PRR5L: variants seen among roughly 807,000 people sequenced by gnomAD.
The protein encoded by PRR5L is proline rich 5 like.
Under a neutral mutation model 36.4 loss-of-function variants are expected in PRR5L, and 21 were observed. That is an observed-to-expected ratio of 0.58 (90% CI 0.41 to 0.83). PRR5L has a LOEUF of 0.83. Ranked by LOEUF, PRR5L falls within the 40% of genes least tolerant of loss-of-function variation. The pLI, the probability that PRR5L is intolerant of heterozygous loss-of-function variation, is 0.00. For missense variants in PRR5L, 381 were observed against 473.3 expected (o/e 0.80, Z 1.81); for synonymous variants, 188 against 197.0 (o/e 0.95, Z 0.38).
At chr11:36,400,359 C>G (rs990933015) in intron 1 of PRR5L, among the ~76,000 whole-genome samples, 5 of 152,188 alleles carry the variant, frequency 3.3e-5, no homozygotes, top group Non-Finnish European at 5.9e-5. Flanking sequence ...AGACTGTTAT[C>G]TTCTCCATAG....
chr11:36,388,694 C>CTTTTTTTTTTTTTTTTTTTTTTTTTTTT lies in PRR5L; in HGVS notation c.-125-12300_-125-12299insTTTTTTTTTTTTTTTTTTTTTTTTTTTT, dbSNP rs1252535250. On this transcript the variant is annotated intron_variant, in intron 1 of 8. Transcript: ENST00000530639. ...TTCTTTCATTCAAGGTCGGCTCTTT[C>CTTTTTTTTTTTTTTTTTTTTTTTTTTTT]TTTCTTTTTTTTTTTTTTTTTTGAG... Among the ~76,000 whole-genome samples, 4 of 112,790 alleles carry CTTTTTTTTTTTTTTTTTTTTTTTTTTTT rather than the reference C, an allele frequency of 3.5e-5. 2 individuals carry two copies. 74.0% of individuals were successfully genotyped at this position (112,790 alleles called of 152,430 possible).
intron 1 of PRR5L, among the ~76,000 whole-genome samples, chr11:36,325,569 A>G (rs927975612): frequency 6.6e-6 from 1 of 152,210 alleles, no homozygotes; most frequent in African/African-American, 2.4e-5. Flanking sequence ...CTCAGGCAAT[A>G]GATGATTGGC....
At chr11:36,396,245 C>T (rs1281827022) in intron 1 of PRR5L, 1 of 152,232 alleles carries the variant, frequency 6.6e-6, no homozygotes, top group African/African-American at 2.4e-5. Context: ...CCTGCTCAGG[C>T]CTCAGTTTCC....
chr11:36,450,096 T>C lies in PRR5L; in HGVS notation c.586-1113T>C, dbSNP rs561114319. ...CCTGGCCGCACCCATCTCAGTGTAA[T>C]GGTACCATAAAGGGGCCAAGGAAGA... On this transcript the variant is annotated intron_variant, in intron 7 of 8. Coordinates refer to ENST00000530639, the MANE Select transcript of PRR5L (RefSeq NM_001160167.2). Among the ~76,000 whole-genome samples, 8 of 152,184 alleles carry C rather than the reference T, an allele frequency of 5.3e-5. 1 individual carries two copies. The East Asian group carries it at 1.6e-3, about 30-fold the overall frequency.
At chr11:36,413,749 G>T (rs948204049) in intron 3 of PRR5L, among the ~76,000 whole-genome samples, 3 of 144,752 alleles carry the variant, frequency 2.1e-5, no homozygotes, top group African/African-American at 5.3e-5. Flanking sequence ...TTTAGTGTAC[G>T]TGTGCACAAT....
chr11:36,403,177 G>C (rs1026927954), intron 2 of PRR5L, 121 bp from the exon 3 acceptor site: 4 of 708,066 alleles, frequency 5.6e-6, no homozygotes, highest in Middle Eastern at 2.6e-4. Flanking sequence ...TGGATGGAGA[G>C]TGTGGCCAGG....
intron 1 of PRR5L, among the ~76,000 whole-genome samples, chr11:36,360,073 A>C (rs992677075): frequency 1.7e-5 from 1 of 59,524 alleles, no homozygotes; most frequent in African/African-American, 6.4e-5. Flanking sequence ...ATACACACAC[A>C]CCCACACACA....
chr11:36,310,945 C>T (rs1002543289), intron 1 of PRR5L, among the ~76,000 whole-genome samples: 1 of 135,268 alleles, frequency 7.4e-6, no homozygotes, highest in African/African-American at 2.9e-5. Context: ...TGCAGTGAGC[C>T]GAGATTATGC....
At chr11:36,416,316 A>G (rs1420996280) in intron 3 of PRR5L, among the ~76,000 whole-genome samples, 1 of 152,244 alleles carries the variant, frequency 6.6e-6, no homozygotes, top group Non-Finnish European at 1.5e-5. Context: ...CTTGACTTAA[A>G]TTATTAAGAA....
chr11:36,369,145 G>T (rs1265298012), intron 1 of PRR5L, among the ~76,000 whole-genome samples: 3 of 152,182 alleles, frequency 2.0e-5, no homozygotes, highest in Non-Finnish European at 4.4e-5. Flanking sequence ...ATAATCTGGG[G>T]TGATTAAGAC....
chr11:36,407,113 T>C (rs1490589232), intron 3 of PRR5L, among the ~76,000 whole-genome samples: 3 of 152,140 alleles, frequency 2.0e-5, no homozygotes, highest in Non-Finnish European at 4.4e-5. Flanking sequence ...AGTTAAGAAA[T>C]AGTAAAGTGA....
At chr11:36,387,241 G>A (rs1708897844) in intron 1 of PRR5L, among the ~76,000 whole-genome samples, 1 of 151,966 alleles carries the variant, frequency 6.6e-6, no homozygotes, top group African/African-American at 2.4e-5. Flanking sequence ...ACACAGGGTG[G>A]GGAACACCAC....
At chr11:36,459,267 C>G (rs1859128947) in intron 8 of PRR5L, among the ~76,000 whole-genome samples, 1 of 152,200 alleles carries the variant, frequency 6.6e-6, no homozygotes, top group Non-Finnish European at 1.5e-5. Context: ...GGGGACTTCT[C>G]TGGGACCAAG....
At position 36,401,146 on chromosome 11, in the gene PRR5L, C is replaced by T. The variant is rs1352983557; in HGVS notation, c.25C>T (p.Leu9=). ...TATGACCCGCGGCTTCGCTCCCATT[C>T]TGCCCGTCGAGTTCCACAAGATGGG... is the stretch of plus-strand genomic sequence containing the variant. MTRGFAPI[L]PVEFHKMGSF... Residue 9 remains leucine, a synonymous_variant, in exon 2 of 9, where the codon CTG becomes TTG. Transcript: ENST00000530639. 6.2e-7 allele frequency: 1 copy of T among 1,614,090 alleles called. No individual in the cohort carries two copies. The highest frequency in any genetic ancestry group is 1.3e-5 in the African/African-American group (1 of 74,926).
intron 1 of PRR5L, among the ~76,000 whole-genome samples, chr11:36,362,406 G>A (rs889256358): frequency 7.9e-6 from 1 of 126,996 alleles, no homozygotes; most frequent in Non-Finnish European, 1.6e-5. Flanking sequence ...GCTATTGACA[G>A]TTTCACACAT....
intron 1 of PRR5L, among the ~76,000 whole-genome samples, chr11:36,375,412 C>T (rs895536779): frequency 6.6e-5 from 10 of 151,968 alleles, no homozygotes; most frequent in Non-Finnish European, 1.2e-4. Flanking sequence ...TTCTTCAACC[C>T]GCTCTCATGC....
In PRR5L at chr11:36,403,776, A is replaced by G. The variant is rs577766177; in HGVS notation, c.245+398A>G. Among the ~76,000 whole-genome samples the G allele has an allele frequency of 2.6e-5, 4 of 152,304 alleles. No individual in the cohort carries two copies. In the South Asian group the frequency reaches 8.3e-4, roughly 32 times the overall value. ...CCTTTTACTAAGTGACTTACCAGCAAACATTTGAGTGCGTCTCTGTTGGCC... is the reference window on the plus strand; with the variant it reads ...CCTTTTACTAAGTGACTTACCAGCAGACATTTGAGTGCGTCTCTGTTGGCC... On this transcript the variant is annotated intron_variant, in intron 3 of 8. Coordinates refer to ENST00000530639, the MANE Select transcript of PRR5L (RefSeq NM_001160167.2).
At chr11:36,356,749 C>A (rs12272026) in intron 1 of PRR5L, among the ~76,000 whole-genome samples, 35,885 of 152,038 alleles carry the variant, frequency 0.24, 4,876 homozygotes, top group African/African-American at 0.38. Flanking sequence ...TAATCCATAA[C>A]TGTTATATGC....
chr11:36,392,591 A>G (rs1857583534), intron 1 of PRR5L, among the ~76,000 whole-genome samples: 1 of 152,148 alleles, frequency 6.6e-6, no homozygotes, highest in South Asian at 2.1e-4. Flanking sequence ...CCATTTTCAC[A>G]CTGCTGTAAA....
Sources: allele counts gnomAD v4.1 joint callset (sites outside exome capture counted in the v4.1 genomes callset), GRCh38; gene constraint gnomAD v4.1.1; transcripts MANE v1.5; gene names NCBI Gene and HGNC (gene_info 2026-07-23, HGNC 2026-07-21).